The following TMBIM6 variants were observed in gnomAD, a reference collection of about 807,000 sequenced individuals.
TMBIM6 encodes bax inhibitor 1.
A neutral mutation model predicts 31.4 loss-of-function variants in TMBIM6; 13 were observed. The ratio of observed to expected loss-of-function variants is 0.41; its 90% confidence interval spans 0.27 to 0.66. The LOEUF is 0.66. Ranked by LOEUF, TMBIM6 falls within the 30% of genes least tolerant of loss-of-function variation. The pLI, the probability that TMBIM6 is intolerant of heterozygous loss-of-function variation, is 0.28. For missense variants in TMBIM6, 275 were observed against 289.5 expected (o/e 0.95, Z 0.36); for synonymous variants, 85 against 101.7 (o/e 0.84, Z 0.99).
chr12:49,759,194 A>G (rs1302747995), intron 7 of TMBIM6, 27 bp from the exon 8 acceptor site: 2 of 1,595,046 alleles, frequency 1.3e-6, no homozygotes, highest in Non-Finnish European at 1.7e-6. Flanking sequence ...TCTGCTGTAT[A>G]GTAACTTCAT....
At chr12:49,761,428 C>T (rs1459411577) in intron 8 of TMBIM6, among the ~76,000 whole-genome samples, 2 of 152,130 alleles carry the variant, frequency 1.3e-5, no homozygotes, top group African/African-American at 4.8e-5. Context: ...TGGTCTCGAA[C>T]TCCTGGGCTC....
intron 1 of TMBIM6, among the ~76,000 whole-genome samples, chr12:49,751,381 A>T (rs1408502397): frequency 1.3e-5 from 2 of 152,182 alleles, no homozygotes; most frequent in African/African-American, 4.8e-5. Context: ...ACATCTGTCT[A>T]TATATTGCTA....
At chr12:49,742,115 G>T in intron 1 of TMBIM6, 1 of 1,606,574 alleles carries the variant, frequency 6.2e-7, no homozygotes. Flanking sequence ...CAAGACTCGA[G>T]GTAGGGCCTG....
intron 7 of TMBIM6, 44 bp downstream of exon 7, chr12:49,758,806 C>A: frequency 3.3e-5 from 45 of 1,384,230 alleles, no homozygotes; most frequent in Non-Finnish European, 4.0e-5. Flanking sequence ...TTGCCTCACA[C>A]TTCTTTCTTT....
intron 1 of TMBIM6, chr12:49,742,221 G>A: frequency 6.2e-7 from 1 of 1,613,554 alleles, no homozygotes; most frequent in South Asian, 1.1e-5. Flanking sequence ...CTGGGGCTGG[G>A]GCTGCCTTCC....
rs538414890 is a variant in TMBIM6 at position 49,755,858 on chromosome 12, G to C, written c.286+103G>C. ...TTTTCTTTTTTTTTTTTTTGAGACAGAGTCTCGCTCTGTTGCCCAGGCCAG... is the reference window on the plus strand; with the variant it reads ...TTTTCTTTTTTTTTTTTTTGAGACACAGTCTCGCTCTGTTGCCCAGGCCAG... On this transcript the variant is annotated intron_variant, in intron 4 of 9. Transcript: ENST00000267115. 1.0e-5 allele frequency: 13 copies of C among 1,284,564 alleles called. No individual in the cohort carries two copies. In the East Asian group the frequency reaches 3.2e-4, roughly 32 times the overall value. 79.6% of individuals were successfully genotyped at this position (1,284,564 alleles called of 1,614,324 possible).
intron 1 of TMBIM6, 23 bp from the exon 2 acceptor site, chr12:49,752,439 ACT>A (rs761590451): frequency 5.8e-6 from 9 of 1,551,954 alleles, no homozygotes; most frequent in South Asian, 3.5e-5. Flanking sequence ...TGACTTAATG[ACT>A]CTAACCTTTC....
At chr12:49,745,160 T>G (rs926850264) in intron 1 of TMBIM6, among the ~76,000 whole-genome samples, 5 of 152,170 alleles carry the variant, frequency 3.3e-5, no homozygotes, top group Admixed American at 3.3e-4. Context: ...GTTCCGAAAC[T>G]GAACTGACCT....
At chr12:49,745,504 C>T (rs1185311944) in intron 1 of TMBIM6, among the ~76,000 whole-genome samples, 1 of 152,090 alleles carries the variant, frequency 6.6e-6, no homozygotes, top group Non-Finnish European at 1.5e-5. Flanking sequence ...GTGGGCAGAT[C>T]ACTTGAGGTC....
chr12:49,752,531 T>C lies in TMBIM6; in HGVS notation c.38T>C (p.Leu13Pro). 6.2e-7 allele frequency: 1 copy of C among 1,613,780 alleles called. No homozygotes were observed. The highest frequency in any genetic ancestry group is 8.5e-7 in the Non-Finnish European group (1 of 1,179,942). The part of the protein sequence containing the change: ...IFDRKINFDA[L>P]LKFSHITPST... ...GATCGAAAGATCAACTTTGATGCGC[T>C]TTTAAAATTTTCTCATATGTAAGTG... Residue 13 changes from leucine (L) to proline (P), a missense_variant, in exon 2 of 10, where the codon CTT becomes CCT. Transcript: ENST00000267115.
chr12:49,756,877 T>C (rs934156238), intron 4 of TMBIM6, among the ~76,000 whole-genome samples: 2 of 151,850 alleles, frequency 1.3e-5, no homozygotes, highest in African/African-American at 2.4e-5. Flanking sequence ...GCTGGGATTA[T>C]AGGCATCAAC....
rs1555144306 is a variant in TMBIM6, at chr12:49,763,108, CA to C, written c.*213del. On this transcript the variant is annotated 3_prime_UTR_variant, in exon 10 of 10. Coordinates refer to ENST00000267115, the MANE Select transcript of TMBIM6 (RefSeq NM_003217.3). ...GGCTTCATCTTCCTGGGGTTCCCCT[CA>C]CTCCCTTTTTTGTCAACCCCATCTG... 2.2e-6 allele frequency: 1 copy of C among 454,488 alleles called. No individual in the cohort carries two copies. The highest frequency in any genetic ancestry group is 3.5e-5 in the East Asian group (1 of 28,946). 28.2% of individuals were successfully genotyped at this position (454,488 alleles called of 1,614,324 possible). A position where few individuals can be genotyped will look rare whatever the true frequency, so the allele number is the denominator to read the frequency against.
chr12:49,741,780 A>C, intron 1 of TMBIM6, 169 bp downstream of exon 1: 2 of 252,282 alleles, frequency 7.9e-6, no homozygotes, highest in Non-Finnish European at 7.8e-6. Context: ...TGTGGAGGGA[A>C]GCTAGGGAAC....
rs778092116 is a variant in TMBIM6, at chr12:49,755,745, A to G, written c.276A>G (p.Ala92=). Residue 92 remains alanine (A), a synonymous_variant, in exon 4 of 10, where the codon GCA becomes GCG. Coordinates refer to ENST00000267115, the MANE Select transcript of TMBIM6 (RefSeq NM_003217.3). ...GACTGGGACTTCTTGCTGGATTTGC[A>G]TTCCTTACAGGTACGTTAAGGGATT... ...QKRLGLLAGF[A]FLTGVGLGPA... is the part of the protein sequence containing the mutation. The G allele has an allele frequency of 1.2e-6, 2 of 1,613,860 alleles. No individual in the cohort carries two copies. The highest frequency in any genetic ancestry group is 1.7e-5 in the Admixed American group (1 of 59,988).
intron 8 of TMBIM6, among the ~76,000 whole-genome samples, chr12:49,759,757 A>C (rs944958833): frequency 6.6e-6 from 1 of 151,516 alleles, no homozygotes; most frequent in Non-Finnish European, 1.5e-5. Context: ...AAGTGAGCCA[A>C]GATTGCACCA....
At chr12:49,751,139 A>G (rs980830134) in intron 1 of TMBIM6, among the ~76,000 whole-genome samples, 2 of 152,206 alleles carry the variant, frequency 1.3e-5, no homozygotes, top group African/African-American at 4.8e-5. Flanking sequence ...GGGAGGGAGC[A>G]AAACTTAAGA....
chr12:49,759,087 G>C, intron 7 of TMBIM6, 134 bp from the exon 8 acceptor site: 1 of 758,230 alleles, frequency 1.3e-6, no homozygotes, highest in Non-Finnish European at 2.2e-6. Flanking sequence ...CTAGGCTGCA[G>C]TTCTCGTGAA....
chr12:49,760,035 C>A lies in TMBIM6; in HGVS notation c.614+714C>A, dbSNP rs192483630. Among the ~76,000 whole-genome samples, 12 of 147,520 alleles carry A rather than the reference C, an allele frequency of 8.1e-5. 1 individual carries two copies. In the East Asian group the frequency reaches 2.2e-3, roughly 27 times the overall value. On this transcript the variant is annotated intron_variant, in intron 8 of 9. Coordinates refer to ENST00000267115, the MANE Select transcript of TMBIM6 (RefSeq NM_003217.3). ...GCGGAGGCAGGAGAATGGTGTGAAC[C>A]GGGGAGGCGGAGCTTGCAGTGAGCG...
chr12:49,759,119 C>A, intron 7 of TMBIM6, 102 bp from the exon 8 acceptor site: 2 of 987,896 alleles, frequency 2.0e-6, no homozygotes, highest in Non-Finnish European at 3.2e-6. Flanking sequence ...ATAGGGTTCA[C>A]ATTTGATGTA....
Sources: allele counts gnomAD v4.1 joint callset (sites outside exome capture counted in the v4.1 genomes callset), GRCh38; gene constraint gnomAD v4.1.1; transcripts MANE v1.5; gene names NCBI Gene and HGNC (gene_info 2026-07-23, HGNC 2026-07-21).